Variants in PLA2G4D observed in about 807,000 individuals in gnomAD.
PLA2G4D encodes cytosolic phospholipase A2 delta.
A neutral mutation model predicts 94.4 loss-of-function variants in PLA2G4D; 80 were observed. The observed-to-expected ratio is 0.85, with a 90% CI of 0.71 to 1.02. The LOEUF (loss-of-function observed/expected upper bound fraction) is 1.02. Among genes scored for constraint, PLA2G4D ranks in the 50% least tolerant of loss-of-function variants. The pLI is 0.00. For missense variants in PLA2G4D, 1,050 were observed against 1,034.7 expected (o/e 1.01, Z -0.20); for synonymous variants, 438 against 440.9 (o/e 0.99, Z 0.08).
intron 14 of PLA2G4D, 140 bp downstream of exon 14, chr15:42,072,135 C>T (rs553774185): frequency 2.1e-6 from 2 of 974,158 alleles, no homozygotes; most frequent in South Asian, 3.0e-5. Flanking sequence ...AGAGAGATGC[C>T]CTGAGCCCCT....
rs748319464 is a variant in PLA2G4D at position 42,079,769 on chromosome 15, C to T, written c.1095-10G>A. The T allele has an allele frequency of 2.5e-6, 4 of 1,597,096 alleles. No homozygotes were observed. The highest frequency in any genetic ancestry group is 3.4e-6 in the Non-Finnish European group (4 of 1,174,034). On this transcript the variant is annotated splice_polypyrimidine_tract_variant and intron_variant, in intron 12 of 19. Transcript: ENST00000290472. ...CAGGTGGGCCATTGTCCTGGAAGAA[C>T]GAGGGGACAGAACAGTAGGAGCCCG...
In PLA2G4D at chr15:42,084,685, A is replaced by G. The variant is rs1890106141; in HGVS notation, c.471+411T>C. On this transcript the variant is annotated intron_variant, in intron 6 of 19. Coordinates refer to ENST00000290472, the MANE Select transcript of PLA2G4D (RefSeq NM_178034.4). This position sits in a 1 kb window ranked among gnomAD's most constrained non-coding sequence, Gnocchi z 4.8. Reference sequence around the variant, plus strand: ...CCTCTGATCCTCCTAGGTTGGCAGTACACCGCCCTGGGAACTCCCTCTGAG... The same window carrying G: ...CCTCTGATCCTCCTAGGTTGGCAGTGCACCGCCCTGGGAACTCCCTCTGAG... Among the ~76,000 whole-genome samples, 1 of 152,140 alleles carries G rather than the reference A, an allele frequency of 6.6e-6. No individual in the cohort carries two copies. The highest frequency in any genetic ancestry group is 2.4e-5 in the African/African-American group (1 of 41,428).
At chr15:42,093,477 G>A (rs1890281401) in intron 1 of PLA2G4D, among the ~76,000 whole-genome samples, 1 of 152,220 alleles carries the variant, frequency 6.6e-6, no homozygotes, top group South Asian at 2.1e-4. Context: ...GGTGGAGCCA[G>A]GGCCGCCAGC....
chr15:42,089,656 G>A (rs1216415219), intron 1 of PLA2G4D, among the ~76,000 whole-genome samples: 1 of 152,152 alleles, frequency 6.6e-6, no homozygotes, highest in Non-Finnish European at 1.5e-5. Flanking sequence ...CGGCCACAGG[G>A]AGGTGATGGC....
chr15:42,072,446 G>C, intron 13 of PLA2G4D, 54 bp from the exon 14 acceptor site: 8 of 1,441,478 alleles, frequency 5.5e-6, no homozygotes, highest in East Asian at 2.3e-5. Context: ...CCTGGAGGCA[G>C]TGGCTCCGCC....
At chr15:42,094,270 C>T in intron 1 of PLA2G4D, 145 bp downstream of exon 1, 1 of 877,904 alleles carries the variant, frequency 1.1e-6, no homozygotes, top group Non-Finnish European at 1.8e-6. Flanking sequence ...ACCCACCCCA[C>T]CCACTCTGCA....
chr15:42,069,844 C>G, intron 19 of PLA2G4D, 65 bp downstream of exon 19: 2 of 1,277,542 alleles, frequency 1.6e-6, no homozygotes, highest in Non-Finnish European at 2.1e-6. Flanking sequence ...GCTGGGCAGC[C>G]GGGGGGCCCA....
Position 42,087,446 on chromosome 15 carries a change from T to C in PLA2G4D, c.119-10A>G. ...GGGTCGGCCTCACTCACTGCCAAGG[T>C]TAAGGAAGTCTTCGTGAGGGAGTAC... is the stretch of plus-strand genomic sequence containing the variant. On this transcript the variant is annotated splice_polypyrimidine_tract_variant and intron_variant, in intron 2 of 19. Transcript: ENST00000290472. 1 of 1,613,924 alleles carries C rather than the reference T, an allele frequency of 6.2e-7. No homozygotes were observed. Among genetic ancestry groups the C allele is most frequent in the Non-Finnish European group, 8.5e-7 (1 of 1,179,956 alleles).
At chr15:42,083,147 T>G in intron 8 of PLA2G4D, 51 bp downstream of exon 8, 1 of 1,579,256 alleles carries the variant, frequency 6.3e-7, no homozygotes, top group Admixed American at 1.8e-5. Context: ...CCGCTGCAGC[T>G]GGAGCTGCCC....
In PLA2G4D at chr15:42,070,872, C is replaced by T; in HGVS notation, c.1888G>A (p.Asp630Asn). The change falls in exon 18 of 20, where the codon GAC becomes AAC. Residue 630 changes from aspartate (D) to asparagine (N), a missense_variant. Physicochemically the swap from Asp to Asn is conservative, Grantham distance 23. Coordinates refer to ENST00000290472, the MANE Select transcript of PLA2G4D (RefSeq NM_178034.4). ...GGGGTCAGCTGGCTGGGCATGGAGT[C>T]AAGCTGGTAGTCTGGTGGGAATCGC... ...DFSTWADYQL[D>N]SMPSQLTPKE... 6.2e-7 allele frequency: 1 copy of T among 1,611,646 alleles called. No individual in the cohort carries two copies. The highest frequency in any genetic ancestry group is 8.5e-7 in the Non-Finnish European group (1 of 1,179,082).
intron 18 of PLA2G4D, chr15:42,070,299 A>G: frequency 1.8e-6 from 1 of 554,732 alleles, no homozygotes. Context: ...TTTGGTTAAA[A>G]GCTCTAGGTG....
Position 42,094,562 on chromosome 15 carries a change from T to A in PLA2G4D, c.-103A>T. ...CAGTGGGATAGGACCAGCATGAATCTGCCAGCCTTCAATGAGCCACGATCC... is the reference window on the plus strand; with the variant it reads ...CAGTGGGATAGGACCAGCATGAATCAGCCAGCCTTCAATGAGCCACGATCC... On this transcript the variant is annotated 5_prime_UTR_variant, in exon 1 of 20. Transcript: ENST00000290472. The A allele has an allele frequency of 7.0e-7, 1 of 1,431,402 alleles. No individual in the cohort carries two copies. Among genetic ancestry groups the A allele is most frequent in the Non-Finnish European group, 9.7e-7 (1 of 1,032,502 alleles). 88.7% of individuals were successfully genotyped at this position (1,431,402 alleles called of 1,614,324 possible). A position where few individuals can be genotyped will look rare whatever the true frequency, so the allele number is the denominator to read the frequency against.
At position 42,069,890 on chromosome 15, in the gene PLA2G4D, T is replaced by G; in HGVS notation, c.2230+19A>C. On this transcript the variant is annotated intron_variant, in intron 19 of 19. Coordinates refer to ENST00000290472, the MANE Select transcript of PLA2G4D (RefSeq NM_178034.4). ...CTGAGGGGCCAGGCAGCCTGGGTGC[T>G]TGGGAGGGGCTGCCTCACCGGGGGC... 2.1e-6 allele frequency: 3 copies of G among 1,397,650 alleles called. No homozygotes were observed. The highest frequency in any genetic ancestry group is 2.8e-6 in the Non-Finnish European group (3 of 1,075,500). The allele number at this position is 1,397,650 out of a possible 1,614,324, so 86.6% of individuals were successfully genotyped here.
rs58062429 is a variant in PLA2G4D at position 42,082,403 on chromosome 15, ATCATTCAT to A, written c.673-22_673-15del. 3.6e-4 allele frequency: 561 copies of A among 1,568,772 alleles called. 3 individuals are homozygous for A. The African/African-American group carries it at 6.5e-3, about 18-fold the overall frequency. On this transcript the variant is annotated splice_polypyrimidine_tract_variant and intron_variant, in intron 8 of 19. Coordinates refer to ENST00000290472, the MANE Select transcript of PLA2G4D (RefSeq NM_178034.4). ...GCTTCTGGAGCTCTGAAGGGAAAGC[ATCATTCAT>A]TCATTCATTCATTCATTCAACAAAT...
chr15:42,092,014 G>T (rs1209552327), intron 1 of PLA2G4D, among the ~76,000 whole-genome samples: 1 of 152,120 alleles, frequency 6.6e-6, no homozygotes, highest in Non-Finnish European at 1.5e-5. Context: ...GCCACTACCG[G>T]TCTCCGCGCA....
At chr15:42,081,867 C>G (rs772406679) in intron 9 of PLA2G4D, 33 bp from the exon 10 acceptor site, 1 of 1,613,874 alleles carries the variant, frequency 6.2e-7, no homozygotes, top group Non-Finnish European at 8.5e-7. Context: ...TGCTCAGACC[C>G]TCCTAGACCC....
At chr15:42,088,118 GCCCAC>G (rs1890187131) in intron 1 of PLA2G4D, among the ~76,000 whole-genome samples, 1 of 152,172 alleles carries the variant, frequency 6.6e-6, no homozygotes, top group African/African-American at 2.4e-5. Flanking sequence ...TGCCAGCACT[GCCCAC>G]CCCTCAGCCC....
rs1384148568 is a variant in PLA2G4D, at chr15:42,067,357, G to A, written c.*1358C>T. The A allele has an allele frequency of 1.3e-5, 2 of 152,204 alleles. No individual in the cohort carries two copies. The highest frequency in any genetic ancestry group is 4.8e-5 in the African/African-American group (2 of 41,418). The allele number at this position is 152,204 out of a possible 1,614,324, so 9.4% of individuals were successfully genotyped here. A position where few individuals can be genotyped will look rare whatever the true frequency, so the allele number is the denominator to read the frequency against. ...TCAAGACCAGCCTGGGCAACATGGT[G>A]AGACCTCATCTCTACAAAAAACCAT... On this transcript the variant is annotated 3_prime_UTR_variant, in exon 20 of 20. Transcript: ENST00000290472.
chr15:42,081,223 A>G, intron 11 of PLA2G4D, 90 bp from the exon 12 acceptor site: 2 of 1,543,676 alleles, frequency 1.3e-6, no homozygotes, highest in Non-Finnish European at 8.7e-7. Context: ...CCTTGTCTCC[A>G]GGGAAGGGAC....
Sources: gnomAD v4.1 joint callset for allele counts (sites outside exome capture counted in the v4.1 genomes callset) on GRCh38, gnomAD v4.1.1 for gene constraint, Gnocchi (gnomAD v3.1) non-coding constraint, MANE v1.5 for transcripts, NCBI Gene and HGNC (gene_info 2026-07-23, HGNC 2026-07-21) for gene names.